Variants in ASIC2 observed in about 807,000 individuals in gnomAD.
The protein encoded by ASIC2 is acid sensing ion channel subunit 2.
In ASIC2, 25 loss-of-function variants were observed where a neutral mutation model predicts 57.3. The ratio of observed to expected loss-of-function variants is 0.44; its 90% CI spans 0.32 to 0.61. The LOEUF (loss-of-function observed/expected upper bound fraction) is 0.61, where lower values mean the gene tolerates loss of function less well. Ranked by LOEUF, ASIC2 falls within the 20% of genes least tolerant of loss-of-function variation. The probability of loss-of-function intolerance (pLI) is 0.06; values close to 1 mark genes in which losing one functional copy is unlikely to be tolerated. For missense variants in ASIC2, 641 were observed against 738.1 expected (o/e 0.87, Z 1.52); for synonymous variants, 319 against 307.5 (o/e 1.04, Z -0.39).
In ASIC2 at chr17:33,265,531, T is replaced by A. The variant is rs192443225; in HGVS notation, c.708+25877A>T. On this transcript the variant is annotated intron_variant, in intron 1 of 9. Transcript: ENST00000225823. ...TGGGGGAGTGGTGGGAGGGAGAGCA[T>A]CAGGATAAATAGCTAATGCATGTGG... Among the ~76,000 whole-genome samples, 98 of 152,066 alleles carry A rather than the reference T, an allele frequency of 6.4e-4. 1 individual carries two copies. The Middle Eastern group carries it at 0.01, about 16-fold the overall frequency.
At chr17:33,482,710 T>C (rs9893531) in intron 1 of ASIC2, among the ~76,000 whole-genome samples, 3,178 of 152,208 alleles carry the variant, frequency 0.021, 84 homozygotes, top group African/African-American at 0.071. Flanking sequence ...CTCTAACTCC[T>C]AACCCCAGCT....
chr17:33,496,680 C>T (rs959242344), intron 1 of ASIC2, among the ~76,000 whole-genome samples: 5 of 125,166 alleles, frequency 4.0e-5, no homozygotes, highest in South Asian at 2.8e-4. Flanking sequence ...TGCAGTGATG[C>T]GAACTCAGCT....
intron 3 of ASIC2, among the ~76,000 whole-genome samples, chr17:33,065,213 G>T (rs931920842): frequency 3.9e-5 from 6 of 152,128 alleles, no homozygotes; most frequent in African/African-American, 1.4e-4. Flanking sequence ...GTCTTGGTTT[G>T]TCACCCAGGC....
At chr17:33,979,348 G>A (rs1905521560) in intron 1 of ASIC2, among the ~76,000 whole-genome samples, 1 of 152,114 alleles carries the variant, frequency 6.6e-6, no homozygotes, top group Admixed American at 6.5e-5. Context: ...GTCTCCCTGG[G>A]GCAGTTGCCA....
intron 1 of ASIC2, among the ~76,000 whole-genome samples, chr17:33,643,248 A>C (rs1231513575): frequency 6.6e-6 from 1 of 151,828 alleles, no homozygotes; most frequent in Admixed American, 6.6e-5. Flanking sequence ...TGGGTGATAC[A>C]TAAAATTTTG....
chr17:34,025,215 T>C (rs1356443990), intron 1 of ASIC2, among the ~76,000 whole-genome samples: 1 of 152,246 alleles, frequency 6.6e-6, no homozygotes, highest in African/African-American at 2.4e-5. Context: ...CTGGAAGGTA[T>C]GAAAGCTAGA....
At chr17:33,281,211 A>C (rs559835490) in intron 1 of ASIC2, among the ~76,000 whole-genome samples, 3 of 152,284 alleles carry the variant, frequency 2.0e-5, no homozygotes, top group African/African-American at 7.2e-5. Context: ...AGAAACATAA[A>C]AGGGCTCTGA....
chr17:33,263,825 T>A (rs1334033498), intron 1 of ASIC2, among the ~76,000 whole-genome samples: 1 of 152,346 alleles, frequency 6.6e-6, no homozygotes, highest in East Asian at 1.9e-4. Context: ...TGGTGCCCGG[T>A]TCCTCTCCAT....
chr17:33,804,845 T>C (rs959529589), intron 1 of ASIC2, among the ~76,000 whole-genome samples: 1 of 152,194 alleles, frequency 6.6e-6, no homozygotes, highest in African/African-American at 2.4e-5. Flanking sequence ...TAGCTCTCCA[T>C]ACTTCCTCTC....
intron 1 of ASIC2, among the ~76,000 whole-genome samples, chr17:33,806,375 T>C (rs374843424): frequency 1.2e-3 from 176 of 152,390 alleles, no homozygotes; most frequent in African/African-American, 4.1e-3. Context: ...TGATTGGTTT[T>C]CAACCATTTA....
chr17:34,138,802 G>A (rs1318922278), intron 1 of ASIC2, among the ~76,000 whole-genome samples: 1 of 152,118 alleles, frequency 6.6e-6, no homozygotes, highest in African/African-American at 2.4e-5. Flanking sequence ...GCCATTGTTC[G>A]ACTCTAGTGA....
At chr17:33,708,615 AC>A in intron 1 of ASIC2, among the ~76,000 whole-genome samples, 1 of 152,234 alleles carries the variant, frequency 6.6e-6, no homozygotes, top group South Asian at 2.1e-4. Flanking sequence ...GTATGTGGCT[AC>A]TACCTCTGTT....
chr17:33,327,665 C>T (rs320629), intron 1 of ASIC2, among the ~76,000 whole-genome samples: 125,252 of 152,118 alleles, frequency 0.82, 51,636 homozygotes, highest in East Asian at 1. Context: ...TATAGGATGC[C>T]AAAGTCGTTC....
chr17:34,077,154 G>T (rs898255274), intron 1 of ASIC2, among the ~76,000 whole-genome samples: 5 of 152,178 alleles, frequency 3.3e-5, no homozygotes, highest in African/African-American at 4.8e-5. Context: ...CTCTCTACCG[G>T]TATTACCCAC....
At chr17:33,224,550 T>C (rs939577079) in intron 1 of ASIC2, among the ~76,000 whole-genome samples, 58 of 152,158 alleles carry the variant, frequency 3.8e-4, no homozygotes, top group African/African-American at 1.3e-3. Flanking sequence ...AAGAGCTGGA[T>C]CAATATCGAA....
chr17:33,631,813 A>G (rs560787911), intron 1 of ASIC2, among the ~76,000 whole-genome samples: 1 of 152,236 alleles, frequency 6.6e-6, no homozygotes, highest in African/African-American at 2.4e-5. Context: ...GTTATATTCA[A>G]ATAAAGAAGG....
intron 1 of ASIC2, among the ~76,000 whole-genome samples, chr17:33,848,791 C>T (rs1468134426): frequency 1.3e-5 from 2 of 152,164 alleles, no homozygotes; most frequent in African/African-American, 2.4e-5. Context: ...GCCCTCAACA[C>T]TCTGGGGTTC....
chr17:33,040,886 T>C (rs1028670629), intron 3 of ASIC2, among the ~76,000 whole-genome samples: 14 of 152,172 alleles, frequency 9.2e-5, no homozygotes, highest in Non-Finnish European at 1.9e-4. Context: ...TGTTACCTTG[T>C]TGGGGGCCTC....
chr17:33,202,326 G>T (rs1049296961), intron 1 of ASIC2, among the ~76,000 whole-genome samples: 2 of 152,238 alleles, frequency 1.3e-5, no homozygotes, highest in African/African-American at 4.8e-5. Context: ...TTGGGAGGGA[G>T]AAAATGGGCT....
Sources: gnomAD v4.1 joint callset for allele counts (sites outside exome capture counted in the v4.1 genomes callset) on GRCh38, gnomAD v4.1.1 for gene constraint, MANE v1.5 for transcripts, NCBI Gene and HGNC (gene_info 2026-07-23, HGNC 2026-07-21) for gene names.